NCOA1: variants seen among roughly 807,000 people sequenced by gnomAD.
NCOA1 encodes the protein Hin-2 protein.
NCOA1 carries 35 observed loss-of-function variants against 150.9 expected under a neutral mutation model. The ratio of observed to expected loss-of-function variants is 0.23; its 90% confidence interval spans 0.18 to 0.31. NCOA1 has a LOEUF of 0.31. Among genes scored for constraint, NCOA1 ranks in the 10% least tolerant of loss-of-function variants. NCOA1 has a pLI of 1.00. For synonymous variants in NCOA1, 590 were observed against 630.0 expected, an observed-to-expected ratio of 0.94 and a Z score of 0.95; for missense variants, 1,491 against 1,749.3, an observed-to-expected ratio of 0.85 and a Z score of 2.63.
intron 3 of NCOA1, among the ~76,000 whole-genome samples, chr2:24,642,671 A>G (rs1226520168): frequency 6.6e-6 from 1 of 152,234 alleles, no homozygotes; most frequent in African/African-American, 2.4e-5. Context: ...AAAAGCCTGT[A>G]CAGAAATATT....
At position 24,575,088 on chromosome 2, in the gene NCOA1, T is replaced by C. The variant is rs1056395146; in HGVS notation, c.-259-9388T>C. Among the ~76,000 whole-genome samples, 4 of 152,298 alleles carry C rather than the reference T, an allele frequency of 2.6e-5. No homozygotes were observed. The South Asian group carries it at 8.3e-4, about 32-fold the overall frequency. ...TCTTCAAGTATGTTTTTTATCTTTT[T>C]TTTTCCTCTGTTTTTTGGACCTCAG... On this transcript the variant is annotated intron_variant, in intron 2 of 22. Transcript: ENST00000348332.
In NCOA1 at chr2:24,766,877, G is replaced by A. The variant is rs1665092385; in HGVS notation, c.4156-1344G>A. 3.9e-5 allele frequency among the ~76,000 whole-genome samples: 6 copies of A among 152,084 alleles called. No individual in the cohort carries two copies. In the South Asian group the frequency reaches 1.2e-3, roughly 32 times the overall value. The stretch of plus-strand genomic sequence containing the variant: ...GTGTGTTATAGACACAAGAGAAAGA[G>A]CCCAGAGGAGGCAGTAACAAATGGG... On this transcript the variant is annotated intron_variant, in intron 22 of 22. Coordinates refer to ENST00000348332, the MANE Select transcript of NCOA1 (RefSeq NM_003743.5).
chr2:24,506,287 G>A (rs951415507), intron 1 of NCOA1, among the ~76,000 whole-genome samples: 4 of 151,972 alleles, frequency 2.6e-5, no homozygotes, highest in Non-Finnish European at 4.4e-5. Flanking sequence ...GTATTATGTA[G>A]TCATCATGAC....
In NCOA1 at chr2:24,530,814, T is replaced by C. The variant is rs919053462; in HGVS notation, c.-395-33481T>C. 2.0e-5 allele frequency among the ~76,000 whole-genome samples: 3 copies of C among 152,188 alleles called. No homozygotes were observed. The East Asian group carries it at 5.8e-4, about 29-fold the overall frequency. On this transcript the variant is annotated intron_variant, in intron 1 of 22. Coordinates refer to ENST00000348332, the MANE Select transcript of NCOA1 (RefSeq NM_003743.5). ...GGAAGAGTGAGGAGATGAAAATATA[T>C]TTATGAATATTTAGAATTGAAGATA...
At chr2:24,674,123 ATGTGTGTG>A (rs146841550) in intron 7 of NCOA1, among the ~76,000 whole-genome samples, 19 of 145,596 alleles carry the variant, frequency 1.3e-4, no homozygotes, top group East Asian at 1.0e-3. Flanking sequence ...ATATGTATGT[ATGTGTGTG>A]TGTGTGTGTG....
At chr2:24,505,168 A>ATTCCAAT (rs1663636842) in intron 1 of NCOA1, among the ~76,000 whole-genome samples, 1 of 151,172 alleles carries the variant, frequency 6.6e-6, no homozygotes. Flanking sequence ...TTCTGACTGT[A>ATTCCAAT]TTCCAATATT....
At chr2:24,684,506 G>GT (rs1046860378) in intron 8 of NCOA1, among the ~76,000 whole-genome samples, 2 of 152,196 alleles carry the variant, frequency 1.3e-5, no homozygotes, top group African/African-American at 4.8e-5. Context: ...TTTGGAGGGA[G>GT]TGTCATCTAC....
At chr2:24,590,305 C>A (rs1386443379) in intron 3 of NCOA1, among the ~76,000 whole-genome samples, 6 of 152,174 alleles carry the variant, frequency 3.9e-5, no homozygotes, top group Non-Finnish European at 8.8e-5. Flanking sequence ...TATCTACTCT[C>A]AGTACTCCCG....
chr2:24,584,855 C>T (rs751528630), intron 3 of NCOA1, among the ~76,000 whole-genome samples: 3 of 152,120 alleles, frequency 2.0e-5, no homozygotes, highest in Non-Finnish European at 4.4e-5. Context: ...GTATTTCAGA[C>T]GTTTTTACAG....
At chr2:24,627,185 C>T (rs1040060496) in intron 3 of NCOA1, among the ~76,000 whole-genome samples, 1 of 148,300 alleles carries the variant, frequency 6.7e-6, no homozygotes, top group African/African-American at 2.5e-5. Context: ...TCACCCCCTA[C>T]CCCCACTACT....
chr2:24,523,361 C>G (rs1007494659), intron 1 of NCOA1, among the ~76,000 whole-genome samples: 3 of 152,030 alleles, frequency 2.0e-5, no homozygotes, highest in African/African-American at 7.2e-5. Context: ...AATCCCAGCA[C>G]TTTGGGAGGC....
Position 24,651,167 on chromosome 2 carries a change from C to G in NCOA1, c.-18+7045C>G, listed in dbSNP as rs116664461. On this transcript the variant is annotated intron_variant, in intron 4 of 22. Coordinates refer to ENST00000348332, the MANE Select transcript of NCOA1 (RefSeq NM_003743.5). ...CTCCTAAGGAAATTAACATATGACT[C>G]AGAATTAACATATGACCCAGCAATA... Among the ~76,000 whole-genome samples, 974 of 152,064 alleles carry G rather than the reference C, an allele frequency of 6.4e-3. 13 individuals are homozygous for G. The highest frequency in any genetic ancestry group is 0.022 in the African/African-American group (895 of 41,492).
intron 6 of NCOA1, 37 bp downstream of exon 6, chr2:24,665,952 T>C (rs775333907): frequency 7.9e-7 from 1 of 1,266,684 alleles, no homozygotes; most frequent in East Asian, 2.8e-5. Context: ...CTGTGTGCTT[T>C]GTTATTAAGA....
At chr2:24,509,443 G>T (rs1489277481) in intron 1 of NCOA1, among the ~76,000 whole-genome samples, 4 of 152,182 alleles carry the variant, frequency 2.6e-5, no homozygotes, top group Non-Finnish European at 5.9e-5. Context: ...AAATAAGATA[G>T]ATATTAAAGT....
intron 4 of NCOA1, among the ~76,000 whole-genome samples, chr2:24,648,930 T>C (rs1670594876): frequency 6.6e-6 from 1 of 152,078 alleles, no homozygotes; most frequent in South Asian, 2.1e-4. Flanking sequence ...AATGTAGTTA[T>C]TTGATTTTGG....
In NCOA1 at chr2:24,729,843, C is replaced by A. The variant is rs374983604; in HGVS notation, c.3201+28C>A. On this transcript the variant is annotated intron_variant, in intron 17 of 22. Transcript: ENST00000348332. ...AAGTGCTCTTGTTTAGCAGTTGATA[C>A]TTTTTTTTTTTTTGAGACGAAGTCT... The A allele has an allele frequency of 6.7e-6, 9 of 1,347,002 alleles. No homozygotes were observed. In the East Asian group the frequency reaches 7.6e-5, roughly 11 times the overall value. 83.4% of individuals were successfully genotyped at this position (1,347,002 alleles called of 1,614,324 possible).
Position 24,648,895 on chromosome 2 carries a change from A to G in NCOA1, c.-18+4773A>G, listed in dbSNP as rs1220253622. On this transcript the variant is annotated intron_variant, in intron 4 of 22. Coordinates refer to ENST00000348332, the MANE Select transcript of NCOA1 (RefSeq NM_003743.5). The stretch of plus-strand genomic sequence containing the variant: ...GATCTGGGACTGAATTCTTTATTTT[A>G]GATATTGAAGTAATTTTTTGTGTAA... 3.9e-5 allele frequency among the ~76,000 whole-genome samples: 6 copies of G among 152,020 alleles called. No individual in the cohort carries two copies. The East Asian group carries it at 9.7e-4, about 24-fold the overall frequency.
intron 3 of NCOA1, among the ~76,000 whole-genome samples, chr2:24,608,246 CTATTATTATTATTATTATTATTAT>C (rs202179395): frequency 2.3e-5 from 3 of 131,884 alleles, no homozygotes; most frequent in African/African-American, 5.6e-5. Flanking sequence ...CCCAGTTCCC[CTATTATTATTATTATTATTATTAT>C]TATTATTATT....
At chr2:24,654,832 C>T (rs375133312) in intron 4 of NCOA1, among the ~76,000 whole-genome samples, 3 of 152,026 alleles carry the variant, frequency 2.0e-5, no homozygotes, top group South Asian at 2.1e-4. Context: ...TAAGGTCCTT[C>T]TACCTCCCCT....
Sources: allele counts gnomAD v4.1 joint callset (sites outside exome capture counted in the v4.1 genomes callset), GRCh38; gene constraint gnomAD v4.1.1; transcripts MANE v1.5; gene names NCBI Gene and HGNC (gene_info 2026-07-23, HGNC 2026-07-21).